Variants in CDK14 observed in about 807,000 individuals in gnomAD.
The protein encoded by CDK14 is cyclin dependent kinase 14.
CDK14 carries 34 observed loss-of-function variants against 60.7 expected under a neutral mutation model. That is an observed-to-expected ratio of 0.56 (90% confidence interval 0.43 to 0.75). The LOEUF (loss-of-function observed/expected upper bound fraction) is 0.75, where lower values mean the gene tolerates loss of function less well. Among genes scored for constraint, CDK14 ranks in the 30% least tolerant of loss-of-function variants. The probability of loss-of-function intolerance (pLI) is 0.00; values close to 1 mark genes in which losing one functional copy is unlikely to be tolerated. For synonymous variants in CDK14, 197 were observed against 203.7 expected, an observed-to-expected ratio of 0.97 and a Z score of 0.28; for missense variants, 482 against 564.1, an observed-to-expected ratio of 0.85 and a Z score of 1.47.
intron 14 of CDK14, among the ~76,000 whole-genome samples, chr7:91,123,452 C>G (rs996886909): frequency 6.6e-6 from 1 of 152,082 alleles, no homozygotes; most frequent in African/African-American, 2.4e-5. Context: ...GGAAGATTCC[C>G]TAGTTGTTAC....
intron 1 of CDK14, among the ~76,000 whole-genome samples, chr7:90,598,243 G>A (rs1799237116): frequency 6.6e-6 from 1 of 152,176 alleles, no homozygotes; most frequent in African/African-American, 2.4e-5. Context: ...AAGAAACCAA[G>A]GACATTAATC....
intron 11 of CDK14, among the ~76,000 whole-genome samples, chr7:91,054,138 T>C (rs1797483280): frequency 1.4e-5 from 2 of 145,444 alleles, no homozygotes; most frequent in African/African-American, 5.1e-5. Context: ...GTGCTCTGCC[T>C]GCTATCTCCT....
rs1266486954 is a variant in CDK14, at chr7:90,819,562, G to A, written c.544+28910G>A. 2.6e-5 allele frequency among the ~76,000 whole-genome samples: 4 copies of A among 151,618 alleles called. No homozygotes were observed. The South Asian group carries it at 6.2e-4, about 24-fold the overall frequency. The stretch of plus-strand genomic sequence containing the variant: ...TTTTAATTACTGTAGGCCTGGTTGA[G>A]TTCATGGAATGACCCTAAGCAATTT... On this transcript the variant is annotated intron_variant, in intron 5 of 14. Coordinates refer to ENST00000380050, the MANE Select transcript of CDK14 (RefSeq NM_001287135.2).
rs551901515 is a variant in CDK14 at position 91,098,278 on chromosome 7, A to G, written c.1155-14264A>G. 5.3e-5 allele frequency among the ~76,000 whole-genome samples: 8 copies of G among 152,322 alleles called. No individual in the cohort carries two copies. In the South Asian group the frequency reaches 1.7e-3, roughly 32 times the overall value. ...TAACCCATGACCTCCGACCTAACTG[A>G]ATATTCTCTCATTTTGATATAAATG... On this transcript the variant is annotated intron_variant, in intron 12 of 14. Coordinates refer to ENST00000380050, the MANE Select transcript of CDK14 (RefSeq NM_001287135.2).
chr7:91,076,581 T>TA, intron 11 of CDK14, among the ~76,000 whole-genome samples: 1 of 152,274 alleles, frequency 6.6e-6, no homozygotes, highest in Non-Finnish European at 1.5e-5. Context: ...ATTCAGGACT[T>TA]ACGCATGGGC....
chr7:90,703,445 G>T (rs1428970970), intron 2 of CDK14, among the ~76,000 whole-genome samples: 1 of 152,160 alleles, frequency 6.6e-6, no homozygotes, highest in East Asian at 1.9e-4. Context: ...CCGTGCCCAT[G>T]TGAATGCCCA....
chr7:90,730,268 G>C (rs1438157828), intron 3 of CDK14, among the ~76,000 whole-genome samples: 2 of 152,172 alleles, frequency 1.3e-5, no homozygotes, highest in African/African-American at 2.4e-5. Context: ...ATGGGCATTT[G>C]GGTTGGTTTC....
intron 2 of CDK14, among the ~76,000 whole-genome samples, chr7:90,614,737 T>G (rs979588611): frequency 4.6e-5 from 7 of 152,292 alleles, no homozygotes; most frequent in African/African-American, 1.7e-4. Flanking sequence ...CATGAGCCAC[T>G]GTACCTGGCT....
chr7:91,040,730 T>C (rs1253189549), intron 10 of CDK14, among the ~76,000 whole-genome samples: 10 of 152,182 alleles, frequency 6.6e-5, no homozygotes, highest in Non-Finnish European at 1.5e-4. Context: ...TAGAGACCTC[T>C]CGGTCCCCTT....
chr7:90,818,484 A>G (rs765940731), intron 5 of CDK14, among the ~76,000 whole-genome samples: 1 of 152,232 alleles, frequency 6.6e-6, no homozygotes, highest in African/African-American at 2.4e-5. Context: ...AATCACTGGC[A>G]GTTTAGTTAC....
chr7:91,146,143 TA>T (rs756019096), intron 14 of CDK14, among the ~76,000 whole-genome samples: 60 of 152,228 alleles, frequency 3.9e-4, no homozygotes, highest in Admixed American at 3.2e-3. Flanking sequence ...GGAGAACATA[TA>T]CTTTGAAAAG....
chr7:90,697,677 CA>C (rs1026087905), intron 2 of CDK14, among the ~76,000 whole-genome samples: 3 of 152,200 alleles, frequency 2.0e-5, no homozygotes, highest in African/African-American at 7.2e-5. Context: ...ATGTCTGAAA[CA>C]AAATTGGTGA....
At chr7:90,956,116 A>G (rs1794401981) in intron 9 of CDK14, among the ~76,000 whole-genome samples, 1 of 152,130 alleles carries the variant, frequency 6.6e-6, no homozygotes. Context: ...TCTTATAACA[A>G]GGGAAGTATG....
chr7:90,844,849 C>G (rs565539753), intron 5 of CDK14, among the ~76,000 whole-genome samples: 1 of 151,956 alleles, frequency 6.6e-6, no homozygotes, highest in Admixed American at 6.6e-5. Flanking sequence ...ACAGTAAGTC[C>G]GGAGGAAAGG....
intron 2 of CDK14, among the ~76,000 whole-genome samples, chr7:90,674,139 G>A (rs1440773782): frequency 6.6e-6 from 1 of 152,206 alleles, no homozygotes; most frequent in Non-Finnish European, 1.5e-5. Context: ...AATTCTGAAT[G>A]AGTCTTAATG....
intron 5 of CDK14, among the ~76,000 whole-genome samples, chr7:90,847,149 T>G (rs1045444958): frequency 6.6e-6 from 1 of 152,202 alleles, no homozygotes; most frequent in South Asian, 2.1e-4. Flanking sequence ...TCTTGGATGC[T>G]TGTCTACTCC....
intron 12 of CDK14, among the ~76,000 whole-genome samples, chr7:91,103,844 AAGAGAGAG>A (rs35892260): frequency 7.6e-5 from 11 of 144,814 alleles, no homozygotes; most frequent in South Asian, 4.3e-4. Flanking sequence ...GAGAGAGAGA[AAGAGAGAG>A]AGAGAGAGAG....
chr7:90,919,906 G>C (rs922180665), intron 8 of CDK14, among the ~76,000 whole-genome samples: 2 of 152,222 alleles, frequency 1.3e-5, no homozygotes, highest in South Asian at 4.1e-4. Flanking sequence ...TGGTTCTTAT[G>C]ACCAGACTGC....
At chr7:91,010,066 G>A (rs1280347353) in intron 10 of CDK14, among the ~76,000 whole-genome samples, 1 of 151,938 alleles carries the variant, frequency 6.6e-6, no homozygotes, top group African/African-American at 2.4e-5. Context: ...CCACTGAATT[G>A]CTTTTGCAAC....
Sources: allele counts gnomAD v4.1 joint callset (sites outside exome capture counted in the v4.1 genomes callset), GRCh38; gene constraint gnomAD v4.1.1; transcripts MANE v1.5; gene names NCBI Gene and HGNC (gene_info 2026-07-23, HGNC 2026-07-21).